The following ANK3 variants were observed in gnomAD, a reference collection of about 807,000 sequenced individuals.
ANK3 encodes ankyrin 3.
A neutral mutation model predicts 370.9 loss-of-function variants in ANK3; 57 were observed. That is an observed-to-expected ratio of 0.15 (90% CI 0.12 to 0.19). ANK3 has a LOEUF of 0.19. Ranked by LOEUF, ANK3 falls within the 10% of genes least tolerant of loss-of-function variation. The probability of loss-of-function intolerance (pLI) is 1.00; values close to 1 mark genes in which losing one functional copy is unlikely to be tolerated. For missense variants in ANK3, 4,439 were observed against 5,302.1 expected (o/e 0.84, Z 5.06); for synonymous variants, 1,929 against 1,946.3 (o/e 0.99, Z 0.23).
chr10:60,675,115 T>A (rs1012848675), intron 1 of ANK3, among the ~76,000 whole-genome samples: 9 of 152,222 alleles, frequency 5.9e-5, no homozygotes, highest in African/African-American at 2.2e-4. Flanking sequence ...ATAAGAGTTA[T>A]GAGCATAAAA....
chr10:60,492,706 C>CAAAAAAAAAAAAAAAAAAAAAAAAAAA (rs764367710), intron 2 of ANK3, among the ~76,000 whole-genome samples: 2 of 57,502 alleles, frequency 3.5e-5, no homozygotes, highest in Non-Finnish European at 6.4e-5. Context: ...GACTCTGTCT[C>CAAAAAAAAAAAAAAAAAAAAAAAAAAA]AAAAAAAAAA....
chr10:60,232,302 T>C (rs1298784458), intron 8 of ANK3, among the ~76,000 whole-genome samples: 6 of 152,202 alleles, frequency 3.9e-5, no homozygotes. Flanking sequence ...TTCAAGCTTC[T>C]CTTTTCTGCG....
intron 2 of ANK3, among the ~76,000 whole-genome samples, chr10:60,425,477 T>A (rs2063866326): frequency 6.6e-6 from 1 of 152,124 alleles, no homozygotes; most frequent in South Asian, 2.1e-4. Context: ...GTTATGGCCA[T>A]TAGTAAGTAG....
chr10:60,586,889 T>C (rs2077839799), intron 2 of ANK3, among the ~76,000 whole-genome samples: 1 of 152,198 alleles, frequency 6.6e-6, no homozygotes, highest in South Asian at 2.1e-4. Context: ...ACGGCAGCTG[T>C]AAGATAAAAG....
At chr10:60,158,974 C>A (rs2095426665) in intron 23 of ANK3, among the ~76,000 whole-genome samples, 1 of 150,844 alleles carries the variant, frequency 6.6e-6, no homozygotes, top group Non-Finnish European at 1.5e-5. Flanking sequence ...CCGTGCCCAG[C>A]CAATAAAAAA....
intron 12 of ANK3, among the ~76,000 whole-genome samples, chr10:60,201,943 G>A (rs188797556): frequency 2.2e-3 from 331 of 151,920 alleles, no homozygotes; most frequent in African/African-American, 6.6e-3. Context: ...TTGAATTCCC[G>A]TCCTTAAGTG....
intron 2 of ANK3, 28 bp downstream of exon 2, chr10:60,279,509 TA>T (rs761578179): frequency 1.9e-6 from 3 of 1,539,524 alleles, no homozygotes; most frequent in Non-Finnish European, 2.6e-6. Context: ...GAATTTTAAG[TA>T]AAAAATTCAA....
At chr10:60,036,524 C>T (rs1398956232) in intron 43 of ANK3, among the ~76,000 whole-genome samples, 3 of 147,162 alleles carry the variant, frequency 2.0e-5, no homozygotes, top group African/African-American at 7.6e-5. Context: ...AAAGCTCCAC[C>T]TCCCAGGTTC....
intron 33 of ANK3, 135 bp downstream of exon 33, chr10:60,083,357 G>A: frequency 1.1e-6 from 1 of 923,580 alleles, no homozygotes; most frequent in Non-Finnish European, 1.6e-6. Context: ...GGTAGAACCA[G>A]AACAAAATCT....
chr10:60,701,996 T>C (rs910553237), intron 1 of ANK3, among the ~76,000 whole-genome samples: 5 of 152,150 alleles, frequency 3.3e-5, no homozygotes, highest in Non-Finnish European at 7.4e-5. Context: ...CAGTGGCTCA[T>C]GCCTATAATT....
intron 42 of ANK3, chr10:60,051,547 A>T (rs1035023919): frequency 1.0e-6 from 1 of 985,554 alleles, no homozygotes; most frequent in South Asian, 4.7e-5. Flanking sequence ...AATCACTCTC[A>T]CTGTCTTTCA....
At chr10:60,680,112 G>A (rs1329121413) in intron 1 of ANK3, among the ~76,000 whole-genome samples, 1 of 142,898 alleles carries the variant, frequency 7.0e-6, no homozygotes, top group Admixed American at 7.1e-5. Flanking sequence ...TACAGCCTGG[G>A]AGACATAGTG....
At chr10:60,138,834 C>T (rs2094454970) in intron 24 of ANK3, 130 bp downstream of exon 24, 3 of 1,241,442 alleles carry the variant, frequency 2.4e-6, no homozygotes, top group Non-Finnish European at 3.3e-6. Flanking sequence ...GCGTCGAGAA[C>T]ATTTCGCTAA....
At chr10:60,622,736 A>G (rs573446636) in intron 1 of ANK3, among the ~76,000 whole-genome samples, 81 of 152,322 alleles carry the variant, frequency 5.3e-4, no homozygotes, top group African/African-American at 1.9e-3. Context: ...CCTGGCAGGG[A>G]AGAAAATGGG....
At chr10:60,233,276 T>G (rs2097275908) in intron 8 of ANK3, among the ~76,000 whole-genome samples, 1 of 152,190 alleles carries the variant, frequency 6.6e-6, no homozygotes, top group Admixed American at 6.5e-5. Context: ...TCAGTAAAGT[T>G]AAATAGCCTA....
chr10:60,135,850 A>G (rs1277015714), intron 24 of ANK3, among the ~76,000 whole-genome samples: 1 of 152,210 alleles, frequency 6.6e-6, no homozygotes, highest in African/African-American at 2.4e-5. Context: ...GTGTCTACAC[A>G]GATAGGTACG....
intron 2 of ANK3, among the ~76,000 whole-genome samples, chr10:60,585,270 G>A (rs569734820): frequency 2.5e-4 from 38 of 152,222 alleles, no homozygotes; most frequent in African/African-American, 8.4e-4. Flanking sequence ...CTTGAAAGGC[G>A]GACTGCATGC....
rs1040950985 is a variant in ANK3, at chr10:60,196,072, C to T, written c.1887+73G>A. 3.8e-5 allele frequency: 51 copies of T among 1,347,582 alleles called. No homozygotes were observed. In the African/African-American group the frequency reaches 4.9e-4, roughly 13 times the overall value. The allele number at this position is 1,347,582 out of a possible 1,614,324, so 83.5% of individuals were successfully genotyped here. On this transcript the variant is annotated intron_variant, in intron 16 of 43. Coordinates refer to ENST00000280772, the MANE Select transcript of ANK3 (RefSeq NM_020987.5). ...AACTAGGAGGGTGCTCCTGCTGAAG[C>T]AGAAGTAGATGTGCAGATAGAGACT...
In ANK3 at chr10:60,076,013, C is replaced by A. The variant is rs143606308; in HGVS notation, c.4868G>T (p.Arg1623Leu). 3 of 1,614,146 alleles carry A rather than the reference C, an allele frequency of 1.9e-6. No homozygotes were observed. The highest frequency in any genetic ancestry group is 2.5e-6 in the Non-Finnish European group (3 of 1,180,006). Residue 1623 changes from arginine to leucine, a missense_variant, in exon 37 of 44, where the codon CGA becomes CTA. Transcript: ENST00000280772. ...CCCTGCTGTAGTCACTGGAGAGGTTCGAGAGGAAAACGTAGAATTGGATGC... is the reference window on the plus strand; with the variant it reads ...CCCTGCTGTAGTCACTGGAGAGGTTAGAGAGGAAAACGTAGAATTGGATGC... ...GLASNSTFSS[R>L]TSPVTTAGSL...
Sources: gnomAD v4.1 joint callset for allele counts (sites outside exome capture counted in the v4.1 genomes callset) on GRCh38, gnomAD v4.1.1 for gene constraint, MANE v1.5 for transcripts, NCBI Gene and HGNC (gene_info 2026-07-23, HGNC 2026-07-21) for gene names.